LPCAT2: variants seen among roughly 807,000 people sequenced by gnomAD.
LPCAT2 encodes lysophosphatidylcholine acyltransferase 2.
A neutral mutation model predicts 64.7 loss-of-function variants in LPCAT2; 58 were observed. The observed-to-expected ratio is 0.90, with a 90% CI of 0.73 to 1.12. The LOEUF is 1.12. Among genes scored for constraint, LPCAT2 ranks in the 50% most tolerant of loss-of-function variants. The probability of loss-of-function intolerance (pLI) is 0.00; values close to 1 mark genes in which losing one functional copy is unlikely to be tolerated. For missense variants in LPCAT2, 579 were observed against 669.8 expected (o/e 0.86, Z 1.50); for synonymous variants, 252 against 245.3 (o/e 1.03, Z -0.26).
intron 1 of LPCAT2, among the ~76,000 whole-genome samples, chr16:55,509,707 T>C (rs1318421530): frequency 6.6e-6 from 1 of 151,822 alleles, no homozygotes; most frequent in African/African-American, 2.4e-5. Flanking sequence ...GGAGAGGACT[T>C]CTGAGGGGCC....
At chr16:55,547,662 T>G (rs780057259) in intron 9 of LPCAT2, among the ~76,000 whole-genome samples, 2 of 152,232 alleles carry the variant, frequency 1.3e-5, no homozygotes, top group African/African-American at 2.4e-5. Context: ...TTTATTGTTA[T>G]AAGTCCCAAA....
chr16:55,543,468 A>G (rs1483662474), intron 8 of LPCAT2, among the ~76,000 whole-genome samples: 3 of 152,178 alleles, frequency 2.0e-5, no homozygotes, highest in African/African-American at 4.8e-5. Context: ...GAAGAATTAT[A>G]TGGCAATTAA....
chr16:55,578,609 T>A (rs898146553), intron 12 of LPCAT2, among the ~76,000 whole-genome samples: 3 of 152,096 alleles, frequency 2.0e-5, no homozygotes, highest in Non-Finnish European at 4.4e-5. Flanking sequence ...TCCTCCATAC[T>A]CTGCCTCAAA....
Position 55,545,797 on chromosome 16 carries a change from AG to A in LPCAT2, c.916del (p.Val306SerfsTer4). The A allele has an allele frequency of 6.2e-7, 1 of 1,612,066 alleles. No homozygotes were observed. Among genetic ancestry groups the A allele is most frequent in the Non-Finnish European group, 8.5e-7 (1 of 1,178,816 alleles). The part of the protein sequence containing the change: ...KNDPVLFANK[V>X]RNLMAEALGI... ...ATGATCCTGTCCTTTTTGCCAATAAAGTCCGGAATTTAATGGCAGAGTAAGT... is the reference window on the plus strand; with the variant it reads ...ATGATCCTGTCCTTTTTGCCAATAAATCCGGAATTTAATGGCAGAGTAAGT... On this transcript the variant is annotated frameshift_variant, in exon 9 of 14. Coordinates refer to ENST00000262134, the MANE Select transcript of LPCAT2 (RefSeq NM_017839.5). LOFTEE classifies it high-confidence loss of function.
chr16:55,528,666 G>A (rs1963209673), intron 3 of LPCAT2, 72 bp downstream of exon 3: 2 of 1,136,276 alleles, frequency 1.8e-6, no homozygotes, highest in Non-Finnish European at 2.6e-6. Flanking sequence ...ATCATATATA[G>A]TTCATTGATA....
intron 11 of LPCAT2, among the ~76,000 whole-genome samples, chr16:55,555,981 A>G (rs754868995): frequency 6.6e-5 from 10 of 151,876 alleles, no homozygotes; most frequent in Admixed American, 1.3e-4. Flanking sequence ...CACCTGGCTA[A>G]TTTTTATATT....
In LPCAT2 at chr16:55,585,653, G is replaced by A. The variant is rs1349938884; in HGVS notation, c.*2555G>A. ...TTCTGTTGAAGGATAATGACATACTGACTGCTTACAGACCAAGTTGCTTGC... is the reference window on the plus strand; with the variant it reads ...TTCTGTTGAAGGATAATGACATACTAACTGCTTACAGACCAAGTTGCTTGC... On this transcript the variant is annotated 3_prime_UTR_variant, in exon 14 of 14. Transcript: ENST00000262134. 1.3e-5 allele frequency: 2 copies of A among 152,170 alleles called. No homozygotes were observed. Among genetic ancestry groups the A allele is most frequent in the Non-Finnish European group, 2.9e-5 (2 of 68,028 alleles). 9.4% of individuals were successfully genotyped at this position (152,170 alleles called of 1,614,324 possible). A position where few individuals can be genotyped will look rare whatever the true frequency, so the allele number is the denominator to read the frequency against.
intron 1 of LPCAT2, 143 bp downstream of exon 1, chr16:55,509,495 G>T (rs929370461): frequency 1.3e-5 from 12 of 909,872 alleles, no homozygotes; most frequent in South Asian, 9.9e-5. Context: ...CGAGGCGGGC[G>T]AGAGTCTGAG....
chr16:55,566,272 A>C (rs1963694944), intron 11 of LPCAT2, among the ~76,000 whole-genome samples: 2 of 152,152 alleles, frequency 1.3e-5, no homozygotes, highest in Admixed American at 6.5e-5. Context: ...AATCTTTGCT[A>C]AAGGAAGAGG....
At chr16:55,525,890 A>G in intron 2 of LPCAT2, 1 of 257,500 alleles carries the variant, frequency 3.9e-6, no homozygotes, top group Non-Finnish European at 7.2e-6. Flanking sequence ...CTACATTATG[A>G]TAATCTTCTA....
At chr16:55,558,118 T>C (rs1203284316) in intron 11 of LPCAT2, among the ~76,000 whole-genome samples, 7 of 152,248 alleles carry the variant, frequency 4.6e-5, no homozygotes, top group Non-Finnish European at 1.0e-4. Flanking sequence ...TAGTTAAATG[T>C]CCAGATGAGT....
At position 55,585,207 on chromosome 16, in the gene LPCAT2, T is replaced by G. The variant is rs1420870082; in HGVS notation, c.*2109T>G. 2 of 152,234 alleles carry G rather than the reference T, an allele frequency of 1.3e-5. No homozygotes were observed. Among genetic ancestry groups the G allele is most frequent in the African/African-American group, 2.4e-5 (1 of 41,472 alleles). The allele number at this position is 152,234 out of a possible 1,614,324, so 9.4% of individuals were successfully genotyped here. ...TTAAAAAAATTCTGATTCTGCCATT[T>G]TGTCTCAAATGTAATATACCCTTTT... On this transcript the variant is annotated 3_prime_UTR_variant, in exon 14 of 14. Coordinates refer to ENST00000262134, the MANE Select transcript of LPCAT2 (RefSeq NM_017839.5).
In LPCAT2 at chr16:55,534,461, T is replaced by C; in HGVS notation, c.781T>C (p.Trp261Arg). The change falls in exon 7 of 14, where the codon TGG (tryptophan) becomes CGG (arginine). Residue 261 changes from tryptophan to arginine, a missense_variant. By Grantham distance (101) the Trp-to-Arg change is moderately radical. Transcript: ENST00000262134. ...ATTATAGGATACTGTGACCTGGACA[T>C]GGCAAGGATATACATTGTAAGTCAC... ...PNKLDTVTWT[W>R]QGYTFIQLCM... 1 of 1,531,554 alleles carries C rather than the reference T, an allele frequency of 6.5e-7. No homozygotes were observed. 94.9% of individuals were successfully genotyped at this position (1,531,554 alleles called of 1,614,324 possible). A position where few individuals can be genotyped will look rare whatever the true frequency, so the allele number is the denominator to read the frequency against.
rs1392181921 is a variant in LPCAT2 at position 55,584,978 on chromosome 16, GA to G, written c.*1885del. ...AAAAATCATGACTACTTTTATCAAA[GA>G]AAAACCACACATTAATCCTATTAAT... is the stretch of plus-strand genomic sequence containing the variant. On this transcript the variant is annotated 3_prime_UTR_variant, in exon 14 of 14. Transcript: ENST00000262134. The G allele has an allele frequency of 6.6e-6, 1 of 152,102 alleles. No homozygotes were observed. Among genetic ancestry groups the G allele is most frequent in the Non-Finnish European group, 1.5e-5 (1 of 67,980 alleles). 9.4% of individuals were successfully genotyped at this position (152,102 alleles called of 1,614,324 possible).
At chr16:55,516,375 G>T (rs1963011817) in intron 1 of LPCAT2, among the ~76,000 whole-genome samples, 1 of 152,190 alleles carries the variant, frequency 6.6e-6, no homozygotes, top group African/African-American at 2.4e-5. Flanking sequence ...AAAGTGCTGG[G>T]ATTATAGGTG....
intron 8 of LPCAT2, chr16:55,540,099 G>A (rs1398033719): frequency 6.6e-6 from 1 of 152,024 alleles, no homozygotes; most frequent in African/African-American, 2.4e-5. Flanking sequence ...AGATATCTAA[G>A]ATATAATGAG....
intron 6 of LPCAT2, 83 bp from the exon 7 acceptor site, chr16:55,534,360 G>T: frequency 1.2e-6 from 1 of 811,504 alleles, no homozygotes; most frequent in Non-Finnish European, 2.1e-6. Context: ...AAAAATACAT[G>T]AATCCCCATA....
chr16:55,554,828 T>TTA (rs1371134838), intron 11 of LPCAT2, among the ~76,000 whole-genome samples: 2 of 152,148 alleles, frequency 1.3e-5, no homozygotes, highest in Admixed American at 6.5e-5. Context: ...GTTGTAGTGT[T>TTA]ATTACTCGGC....
At chr16:55,578,905 G>T in intron 12 of LPCAT2, 1 of 531,978 alleles carries the variant, frequency 1.9e-6, no homozygotes. Context: ...ATGGACCATT[G>T]GTATAGCTCC....
Sources: allele counts gnomAD v4.1 joint callset (sites outside exome capture counted in the v4.1 genomes callset), GRCh38; gene constraint gnomAD v4.1.1; transcripts MANE v1.5; gene names NCBI Gene and HGNC (gene_info 2026-07-23, HGNC 2026-07-21).